The following MAP4K3 variants were observed in gnomAD, a reference collection of about 807,000 sequenced individuals.
MAP4K3 encodes the protein mitogen-activated protein kinase kinase kinase kinase 3.
Under a neutral mutation model 143.5 loss-of-function variants are expected in MAP4K3, and 94 were observed. The ratio of observed to expected loss-of-function variants is 0.65; its 90% confidence interval spans 0.55 to 0.78. MAP4K3 has a LOEUF of 0.78. MAP4K3 is among the 30% of genes least tolerant of loss of function. MAP4K3 has a pLI of 0.00. For missense variants in MAP4K3, 1,077 were observed against 1,068.1 expected (o/e 1.01, Z -0.12); for synonymous variants, 416 against 347.2 (o/e 1.20, Z -2.20).
chr2:39,302,835 T>C (rs1172353163), intron 15 of MAP4K3, among the ~76,000 whole-genome samples: 1 of 152,236 alleles, frequency 6.6e-6, no homozygotes, highest in African/African-American at 2.4e-5. Flanking sequence ...TCAAGATCGT[T>C]ATCCTAGCCC....
rs75137809 is a variant in MAP4K3, at chr2:39,422,733, T to C, written c.96+14159A>G. 6.5e-3 allele frequency among the ~76,000 whole-genome samples: 985 copies of C among 152,206 alleles called. 7 individuals are homozygous for C. The highest frequency in any genetic ancestry group is 0.022 in the African/African-American group (928 of 41,542). On this transcript the variant is annotated intron_variant, in intron 1 of 33. Coordinates refer to ENST00000263881, the MANE Select transcript of MAP4K3 (RefSeq NM_003618.4). Reference sequence around the variant, plus strand: ...ACGTGCAAAACAAAATAAAATAAAATATAAAAATCTAGACATGGACCTCAC... The same window carrying C: ...ACGTGCAAAACAAAATAAAATAAAACATAAAAATCTAGACATGGACCTCAC...
chr2:39,385,548 C>T (rs1666473982), intron 1 of MAP4K3, among the ~76,000 whole-genome samples: 2 of 82,980 alleles, frequency 2.4e-5, no homozygotes, highest in African/African-American at 5.8e-5. Flanking sequence ...TATGAGCGTT[C>T]TTCATATATA....
intron 3 of MAP4K3, among the ~76,000 whole-genome samples, chr2:39,345,373 T>C (rs1447880687): frequency 6.6e-6 from 1 of 152,064 alleles, no homozygotes; most frequent in East Asian, 1.9e-4. Flanking sequence ...TCTATGATAG[T>C]GCTACCACAC....
At chr2:39,386,970 C>T (rs536844508) in intron 1 of MAP4K3, among the ~76,000 whole-genome samples, 4 of 151,988 alleles carry the variant, frequency 2.6e-5, no homozygotes, top group Admixed American at 6.5e-5. Flanking sequence ...TGTGCCACCA[C>T]GCCTAGCTAA....
chr2:39,288,311 T>C (rs1305797004), intron 19 of MAP4K3, 31 bp from the exon 20 acceptor site: 6 of 1,591,332 alleles, frequency 3.8e-6, no homozygotes, highest in Admixed American at 1.7e-5. Flanking sequence ...AGACCAACAA[T>C]GAAACATCAA....
At chr2:39,424,046 C>T (rs896397811) in intron 1 of MAP4K3, among the ~76,000 whole-genome samples, 18 of 152,046 alleles carry the variant, frequency 1.2e-4, no homozygotes, top group African/African-American at 3.4e-4. Flanking sequence ...CAGGTTCAAG[C>T]GATTCTCCTG....
At chr2:39,342,040 C>G (rs1407447620) in intron 4 of MAP4K3, among the ~76,000 whole-genome samples, 1 of 151,930 alleles carries the variant, frequency 6.6e-6, no homozygotes, top group African/African-American at 2.4e-5. Flanking sequence ...AGTGATCACA[C>G]ATGAGTCACA....
At chr2:39,390,430 T>C (rs548453897) in intron 1 of MAP4K3, among the ~76,000 whole-genome samples, 2 of 152,216 alleles carry the variant, frequency 1.3e-5, no homozygotes, top group African/African-American at 4.8e-5. Context: ...ACGCAGACTC[T>C]GAATCAGCAG....
rs1189360608 is a variant in MAP4K3 at position 39,250,694 on chromosome 2, A to G, written c.2609T>C (p.Leu870Ser). Residue 870 changes from leucine (L) to serine (S), a missense_variant, in exon 34 of 34, where the codon TTG (leucine) becomes TCG (serine). Physicochemically the swap from Leu to Ser is moderately radical, Grantham distance 145. Coordinates refer to ENST00000263881, the MANE Select transcript of MAP4K3 (RefSeq NM_003618.4). The stretch of plus-strand genomic sequence containing the variant: ...GGGGTTATCAGTTGGCCTACTTTCC[A>G]AAACCACGACCCTGAAAGTAATAAA... Reference protein sequence around the residue: ...RLLGSDRVVVLESRPTDNPTA... With the variant: ...RLLGSDRVVVSESRPTDNPTA... 2 of 1,613,588 alleles carry G rather than the reference A, an allele frequency of 1.2e-6. No homozygotes were observed. Among genetic ancestry groups the G allele is most frequent in the Non-Finnish European group, 1.7e-6 (2 of 1,179,574 alleles).
chr2:39,416,331 C>T (rs966513120), intron 1 of MAP4K3, among the ~76,000 whole-genome samples: 7 of 152,048 alleles, frequency 4.6e-5, no homozygotes, highest in South Asian at 2.1e-4. Context: ...ATTCCTTCAA[C>T]TAATTTGGTT....
intron 12 of MAP4K3, among the ~76,000 whole-genome samples, chr2:39,317,071 C>G (rs1207215966): frequency 6.6e-6 from 1 of 151,948 alleles, no homozygotes; most frequent in Non-Finnish European, 1.5e-5. Flanking sequence ...GACATATAGA[C>G]CAATGGAACA....
At chr2:39,426,771 A>G (rs549100812) in intron 1 of MAP4K3, among the ~76,000 whole-genome samples, 43 of 152,214 alleles carry the variant, frequency 2.8e-4, no homozygotes, top group African/African-American at 1.0e-3. Flanking sequence ...AGACAGACAT[A>G]ATTAAAGATA....
intron 1 of MAP4K3, among the ~76,000 whole-genome samples, chr2:39,393,489 T>TA (rs1365643479): frequency 1.3e-5 from 2 of 152,178 alleles, no homozygotes; most frequent in Non-Finnish European, 2.9e-5. Context: ...ATCCATTTTT[T>TA]AAAAAAAGCT....
intron 1 of MAP4K3, among the ~76,000 whole-genome samples, chr2:39,422,450 A>C (rs1292368755): frequency 6.6e-6 from 1 of 152,230 alleles, no homozygotes; most frequent in East Asian, 1.9e-4. Context: ...TAAGCCAAAG[A>C]GTGAGGCCTC....
At position 39,260,588 on chromosome 2, in the gene MAP4K3, T is replaced by G; in HGVS notation, c.2308+18A>C. On this transcript the variant is annotated intron_variant, in intron 29 of 33. Coordinates refer to ENST00000263881, the MANE Select transcript of MAP4K3 (RefSeq NM_003618.4). Reference sequence around the variant, plus strand: ...CAGTATATGTATTACCCTTAATAATTCCATAAAAATTACAAACCTGATTCT... The same window carrying G: ...CAGTATATGTATTACCCTTAATAATGCCATAAAAATTACAAACCTGATTCT... 6.2e-7 allele frequency: 1 copy of G among 1,610,638 alleles called. No individual in the cohort carries two copies.
intron 1 of MAP4K3, among the ~76,000 whole-genome samples, chr2:39,435,087 T>A (rs962498368): frequency 6.6e-6 from 1 of 152,204 alleles, no homozygotes; most frequent in Non-Finnish European, 1.5e-5. Context: ...TTTAGTTAAC[T>A]TTTCATCGCA....
At chr2:39,390,426 A>T (rs1173196868) in intron 1 of MAP4K3, among the ~76,000 whole-genome samples, 1 of 152,162 alleles carries the variant, frequency 6.6e-6, no homozygotes, top group African/African-American at 2.4e-5. Flanking sequence ...CACCACGCAG[A>T]CTCTGAATCA....
intron 15 of MAP4K3, among the ~76,000 whole-genome samples, chr2:39,304,830 T>A (rs1266773220): frequency 6.6e-6 from 1 of 152,172 alleles, no homozygotes; most frequent in Non-Finnish European, 1.5e-5. Flanking sequence ...GATGAATGTA[T>A]AAACAAAATG....
In MAP4K3 at chr2:39,343,395, A is replaced by T; in HGVS notation, c.303T>A (p.Ile101=). 1 of 1,612,496 alleles carries T rather than the reference A, an allele frequency of 6.2e-7. No homozygotes were observed. The highest frequency in any genetic ancestry group is 1.1e-5 in the South Asian group (1 of 90,920). ...EFCGGGSLQD[I]YHVTGPLSEL... is the part of the protein sequence containing the mutation. Reference sequence around the variant, plus strand: ...ATACAACTTTGGTCTTACCGTGATAAATATCCTGTAAAGAACCACCTCCAC... The same window carrying T: ...ATACAACTTTGGTCTTACCGTGATATATATCCTGTAAAGAACCACCTCCAC... Residue 101 remains isoleucine, a synonymous_variant, in exon 4 of 34, where the codon ATT becomes ATA. Coordinates refer to ENST00000263881, the MANE Select transcript of MAP4K3 (RefSeq NM_003618.4).
Sources: allele counts gnomAD v4.1 joint callset (sites outside exome capture counted in the v4.1 genomes callset), GRCh38; gene constraint gnomAD v4.1.1; transcripts MANE v1.5; gene names NCBI Gene and HGNC (gene_info 2026-07-23, HGNC 2026-07-21).